Variants in HTT observed in about 807,000 individuals in gnomAD.
HTT encodes huntington disease protein.
HTT carries 104 observed loss-of-function variants against 362.3 expected under a neutral mutation model. That is an observed-to-expected ratio of 0.29 (90% confidence interval 0.24 to 0.34). The LOEUF (loss-of-function observed/expected upper bound fraction) is 0.34. HTT is among the 10% of genes least tolerant of loss of function. The probability of loss-of-function intolerance (pLI) is 1.00; values close to 1 mark genes in which losing one functional copy is unlikely to be tolerated. For synonymous variants in HTT, 1,577 were observed against 1,548.7 expected, an observed-to-expected ratio of 1.02 and a Z score of -0.43; for missense variants, 3,301 against 3,928.6, an observed-to-expected ratio of 0.84 and a Z score of 4.27.
rs1578616963 is a variant in HTT, at chr4:3,235,369, G to C, written c.8542G>C (p.Gly2848Arg). 1 of 1,613,444 alleles carries C rather than the reference G, an allele frequency of 6.2e-7. No individual in the cohort carries two copies. The highest frequency in any genetic ancestry group is 2.2e-5 in the East Asian group (1 of 44,892). The change falls in exon 62 of 67, where the codon GGG (glycine) becomes CGG (arginine). Residue 2848 changes from glycine to arginine, a missense_variant. Physicochemically the swap from Gly to Arg is moderately radical, Grantham distance 125 (BLOSUM62 -2). Coordinates refer to ENST00000355072, the MANE Select transcript of HTT (RefSeq NM_001388492.1). ...YLIENYPLDV[G>R]PEFSASIIQM... ...CATTGAGAACTATCCTCTGGACGTA[G>C]GGCCGGAATTTTCAGCATCAATAAT...
At chr4:3,229,038 C>G (rs771717763) in intron 59 of HTT, 29 bp downstream of exon 59, 1 of 1,599,878 alleles carries the variant, frequency 6.3e-7, no homozygotes, top group East Asian at 2.2e-5. Flanking sequence ...TCCCCTCACA[C>G]CTGCACGTGC....
intron 18 of HTT, among the ~76,000 whole-genome samples, chr4:3,133,522 A>G (rs1715921799): frequency 8.2e-6 from 1 of 121,232 alleles, no homozygotes; most frequent in Admixed American, 8.0e-5. Context: ...AATCAGTTGA[A>G]TTAAAAAAAA....
Position 3,228,937 on chromosome 4 carries a change from C to T in HTT, c.8037C>T (p.Tyr2679=). The T allele has an allele frequency of 6.2e-7, 1 of 1,613,832 alleles. No homozygotes were observed. Among genetic ancestry groups the T allele is most frequent in the African/African-American group, 1.3e-5 (1 of 74,966 alleles). Reference sequence around the variant, plus strand: ...GTTCGCAGTTTTTGCTTGAGTTGTACAGCCGCTGGATCCTGCCGTCCAGCT... The same window carrying T: ...GTTCGCAGTTTTTGCTTGAGTTGTATAGCCGCTGGATCCTGCCGTCCAGCT... The part of the protein sequence containing the change: ...HSCSQFLLEL[Y]SRWILPSSSA... The change falls in exon 59 of 67, where the codon TAC becomes TAT. Residue 2679 remains tyrosine (Y), a synonymous_variant. Coordinates refer to ENST00000355072, the MANE Select transcript of HTT (RefSeq NM_001388492.1). This position sits in a 1 kb window ranked among gnomAD's most constrained non-coding sequence, Gnocchi z 4.3.
chr4:3,186,110 T>C (rs1234009267), intron 37 of HTT, among the ~76,000 whole-genome samples: 1 of 152,024 alleles, frequency 6.6e-6, no homozygotes. Flanking sequence ...AGGATATGGC[T>C]ATAGGAACAT....
chr4:3,148,670 C>T lies in HTT; in HGVS notation c.3498+463C>T, dbSNP rs142251815. On this transcript the variant is annotated intron_variant, in intron 26 of 66. Coordinates refer to ENST00000355072, the MANE Select transcript of HTT (RefSeq NM_001388492.1). ...AAAATTATCTGAGCATGGTGGCGGGCGCCTGTAGTCCCAGCTGCTCGGGAG... is the reference window on the plus strand; with the variant it reads ...AAAATTATCTGAGCATGGTGGCGGGTGCCTGTAGTCCCAGCTGCTCGGGAG... 1.8e-3 allele frequency among the ~76,000 whole-genome samples: 275 copies of T among 152,258 alleles called. 2 individuals are homozygous for T. Among genetic ancestry groups the T allele is most frequent in the Admixed American group, 3.3e-3 (50 of 15,298 alleles).
intron 2 of HTT, among the ~76,000 whole-genome samples, chr4:3,092,735 TCA>T (rs1265579675): frequency 6.6e-6 from 1 of 152,214 alleles, no homozygotes; most frequent in African/African-American, 2.4e-5. Flanking sequence ...GTTAAAAAAT[TCA>T]GTTAAAAAAT....
chr4:3,216,164 G>A (rs1041821236), intron 51 of HTT, among the ~76,000 whole-genome samples: 5 of 152,158 alleles, frequency 3.3e-5, no homozygotes, highest in Admixed American at 3.3e-4. Context: ...TTAGTCTTCT[G>A]CATAGTACTT....
In HTT at chr4:3,235,649, C is replaced by G. The variant is rs199535935; in HGVS notation, c.8656C>G (p.Leu2886Val). 1.2e-5 allele frequency: 19 copies of G among 1,613,758 alleles called. No homozygotes were observed. Among genetic ancestry groups the G allele is most frequent in the Non-Finnish European group, 1.4e-5 (17 of 1,180,042 alleles). Residue 2886 changes from leucine (L) to valine (V), a missense_variant, in exon 63 of 67, where the codon CTG becomes GTG. This residue lies in a region of HTT where 753 missense variants were observed against 1,021.3 expected (regional missense o/e 0.74). Coordinates refer to ENST00000355072, the MANE Select transcript of HTT (RefSeq NM_001388492.1). ...HCALRGLERL[L>V]LSEQLSRLDA... ...TGCCCTCAGAGGCCTGGAGCGCCTC[C>G]TGCTCTCTGAGCAGCTCTCCCGCCT...
At chr4:3,109,263 G>A (rs1714605425) in intron 6 of HTT, among the ~76,000 whole-genome samples, 1 of 149,752 alleles carries the variant, frequency 6.7e-6, no homozygotes, top group Non-Finnish European at 1.5e-5. Context: ...TTTTGCTCTT[G>A]TTGCCAAGGC....
Position 3,211,965 on chromosome 4 carries a change from C to T in HTT, c.6451C>T (p.Leu2151=). ...NLSLLAPCLS[L]GMSEISGGQK... ...AAGCCTGCTAGCTCCATGCTTAAGC[C>T]TAGGGATGAGTGAAATTTCTGGTGG... The change falls in exon 48 of 67, where the codon CTA becomes TTA. Residue 2151 remains leucine (L), a synonymous_variant. Transcript: ENST00000355072. 6.2e-7 allele frequency: 1 copy of T among 1,614,118 alleles called. No homozygotes were observed. The highest frequency in any genetic ancestry group is 1.1e-5 in the South Asian group (1 of 91,076).
chr4:3,141,766 A>G (rs1716357650), intron 22 of HTT, among the ~76,000 whole-genome samples: 1 of 152,220 alleles, frequency 6.6e-6, no homozygotes, highest in African/African-American at 2.4e-5. Context: ...CTGTCTCAAA[A>G]AAAGACACAC....
intron 5 of HTT, among the ~76,000 whole-genome samples, chr4:3,105,969 A>G (rs1367673766): frequency 6.6e-6 from 1 of 152,214 alleles, no homozygotes; most frequent in Non-Finnish European, 1.5e-5. Context: ...CTTCTCCTTA[A>G]CCAGCAATAC....
At chr4:3,077,699 T>A (rs1712636145) in intron 1 of HTT, among the ~76,000 whole-genome samples, 1 of 152,218 alleles carries the variant, frequency 6.6e-6, no homozygotes, top group South Asian at 2.1e-4. Flanking sequence ...ATTACAGGTG[T>A]GAGCCACCAT....
Position 3,228,796 on chromosome 4 carries a change from G to A in HTT, c.7979+51G>A. 1 of 1,569,272 alleles carries A rather than the reference G, an allele frequency of 6.4e-7. No individual in the cohort carries two copies. Among genetic ancestry groups the A allele is most frequent in the Non-Finnish European group, 8.7e-7 (1 of 1,153,266 alleles). ...AACAGAAATTTGAAATTTCTTATCA[G>A]TCATTTGATTTGTTTGAGGTGCTTC... is the stretch of plus-strand genomic sequence containing the variant. On this transcript the variant is annotated intron_variant, in intron 58 of 66. Coordinates refer to ENST00000355072, the MANE Select transcript of HTT (RefSeq NM_001388492.1). This position sits in a 1 kb window ranked among gnomAD's most constrained non-coding sequence, Gnocchi z 4.3.
At chr4:3,127,625 G>A in intron 12 of HTT, 21 bp downstream of exon 12, 1 of 1,541,716 alleles carries the variant, frequency 6.5e-7, no homozygotes, top group South Asian at 1.1e-5. Context: ...AGAGGGGCCT[G>A]ACATCTTTTT....
chr4:3,126,246 T>C (rs555344562), intron 11 of HTT, among the ~76,000 whole-genome samples: 1 of 151,998 alleles, frequency 6.6e-6, no homozygotes, highest in East Asian at 1.9e-4. Flanking sequence ...TGGAGACGGG[T>C]TTTTGCCATG....
At position 3,222,379 on chromosome 4, in the gene HTT, A is replaced by G. The variant is rs1478589981; in HGVS notation, c.7370-8A>G. 6.2e-7 allele frequency: 1 copy of G among 1,611,734 alleles called. No individual in the cohort carries two copies. The highest frequency in any genetic ancestry group is 8.5e-7 in the Non-Finnish European group (1 of 1,178,090). On this transcript the variant is annotated splice_polypyrimidine_tract_variant and splice_region_variant and intron_variant, in intron 53 of 66. Coordinates refer to ENST00000355072, the MANE Select transcript of HTT (RefSeq NM_001388492.1). ...TGACACTCTCTCATGTAACATTTAT[A>G]TTTCTAGGCTGGACCAGTCGTACTC...
intron 29 of HTT, among the ~76,000 whole-genome samples, chr4:3,165,324 C>A (rs200623350): frequency 4.6e-5 from 7 of 152,078 alleles, no homozygotes; most frequent in Non-Finnish European, 1.0e-4. Context: ...TGTGGGTAAC[C>A]CGACCTTTCT....
At chr4:3,091,146 A>G (rs1176990058) in intron 2 of HTT, among the ~76,000 whole-genome samples, 2 of 152,128 alleles carry the variant, frequency 1.3e-5, no homozygotes, top group Non-Finnish European at 2.9e-5. Context: ...AGAAATCAAC[A>G]CTAATATGGT....
Sources: allele counts gnomAD v4.1 joint callset (sites outside exome capture counted in the v4.1 genomes callset), GRCh38; gene constraint gnomAD v4.1.1; regional missense constraint gnomAD v4.1.1; non-coding constraint Gnocchi (gnomAD v3.1); transcripts MANE v1.5; gene names NCBI Gene and HGNC (gene_info 2026-07-23, HGNC 2026-07-21).